The following PTPRR variants were observed in gnomAD, a reference collection of about 807,000 sequenced individuals.
PTPRR encodes the protein receptor-type tyrosine-protein phosphatase R.
Under a neutral mutation model 77.2 loss-of-function variants are expected in PTPRR, and 38 were observed. The observed-to-expected ratio is 0.49, with a 90% CI of 0.38 to 0.65. The LOEUF is 0.65. PTPRR is among the 30% of genes least tolerant of loss of function. The pLI, the probability that PTPRR is intolerant of heterozygous loss-of-function variation, is 0.00. For missense variants in PTPRR, 744 were observed against 799.2 expected (o/e 0.93, Z 0.83); for synonymous variants, 299 against 283.1 (o/e 1.06, Z -0.57).
At chr12:70,770,240 A>G (rs1890938386) in intron 2 of PTPRR, among the ~76,000 whole-genome samples, 1 of 151,068 alleles carries the variant, frequency 6.6e-6, no homozygotes, top group African/African-American at 2.4e-5. Context: ...AAATGGGAGA[A>G]AATTTTCGCA....
chr12:70,832,191 A>G (rs963405480), intron 2 of PTPRR, among the ~76,000 whole-genome samples: 44 of 152,126 alleles, frequency 2.9e-4, no homozygotes, highest in Non-Finnish European at 2.9e-5. Flanking sequence ...GAGCTTTTGC[A>G]TTTCTCTGGG....
intron 10 of PTPRR, chr12:70,672,702 G>T (rs753119848): frequency 8.4e-6 from 13 of 1,545,280 alleles, no homozygotes; most frequent in Non-Finnish European, 1.1e-5. Flanking sequence ...GGATAGCGTG[G>T]GTCTCCCAGT....
At chr12:70,655,679 G>T (rs1185456298) in intron 13 of PTPRR, among the ~76,000 whole-genome samples, 1 of 152,166 alleles carries the variant, frequency 6.6e-6, no homozygotes, top group East Asian at 1.9e-4. Context: ...TACGTAAAAG[G>T]TGCCTAGAGC....
chr12:70,673,031 CAAAA>C (rs1229938892), intron 10 of PTPRR: 3,765 of 452,954 alleles, frequency 8.3e-3, no homozygotes, highest in South Asian at 9.5e-3. Flanking sequence ...CGGGCCAAAG[CAAAA>C]AAAAAAAAAA....
chr12:70,696,136 A>C (rs1307517858), intron 8 of PTPRR, among the ~76,000 whole-genome samples: 2 of 150,864 alleles, frequency 1.3e-5, no homozygotes, highest in African/African-American at 4.9e-5. Context: ...AACTCCAACT[A>C]TATCTGTTTG....
At chr12:70,787,710 G>A (rs1891351767) in intron 2 of PTPRR, among the ~76,000 whole-genome samples, 1 of 152,064 alleles carries the variant, frequency 6.6e-6, no homozygotes, top group South Asian at 2.1e-4. Flanking sequence ...CATCAAATCT[G>A]GCAGCCCTAT....
At chr12:70,690,277 A>G (rs894346839) in intron 8 of PTPRR, among the ~76,000 whole-genome samples, 8 of 152,198 alleles carry the variant, frequency 5.3e-5, no homozygotes, top group Non-Finnish European at 1.0e-4. Flanking sequence ...AATAGTATAT[A>G]TAAGTTTTCT....
chr12:70,916,470 A>G (rs1332541770), intron 1 of PTPRR, among the ~76,000 whole-genome samples: 1 of 152,142 alleles, frequency 6.6e-6, no homozygotes, highest in Non-Finnish European at 1.5e-5. Context: ...ACATCTTAAA[A>G]TCTTAAAATA....
intron 2 of PTPRR, among the ~76,000 whole-genome samples, chr12:70,798,333 T>C (rs1017837833): frequency 6.6e-6 from 1 of 152,232 alleles, no homozygotes; most frequent in Non-Finnish European, 1.5e-5. Context: ...CTTGGGATAC[T>C]ATTATAGCAT....
In PTPRR at chr12:70,800,351, A is replaced by T. The variant is rs540862096; in HGVS notation, c.358-35573T>A. Among the ~76,000 whole-genome samples, 113 of 151,984 alleles carry T rather than the reference A, an allele frequency of 7.4e-4. 1 individual carries two copies. The highest frequency in any genetic ancestry group is 2.7e-3 in the African/African-American group (112 of 41,444). On this transcript the variant is annotated intron_variant, in intron 2 of 13. Transcript: ENST00000283228. The stretch of plus-strand genomic sequence containing the variant: ...CAAAATGCGATATGGTATCAAAGAG[A>T]AACAGGAACCTGCTGACACATTAGG...
At chr12:70,850,840 C>T (rs1161372827) in intron 2 of PTPRR, among the ~76,000 whole-genome samples, 1 of 152,142 alleles carries the variant, frequency 6.6e-6, no homozygotes, top group Non-Finnish European at 1.5e-5. Context: ...AAGATGCTGT[C>T]CCTACATTGC....
chr12:70,726,796 G>T (rs1404479592), intron 6 of PTPRR, among the ~76,000 whole-genome samples: 1 of 152,022 alleles, frequency 6.6e-6, no homozygotes, highest in Non-Finnish European at 1.5e-5. Context: ...TCTGCTAAAA[G>T]GTCTTGAACA....
chr12:70,650,686 T>C (rs1042698832), intron 13 of PTPRR, among the ~76,000 whole-genome samples: 1 of 152,182 alleles, frequency 6.6e-6, no homozygotes, highest in Non-Finnish European at 1.5e-5. Context: ...GCCTGTTGAA[T>C]GGATGAATGT....
chr12:70,920,387 G>T lies in PTPRR; in HGVS notation c.4C>A (p.Arg2=). M[R]RAVCFPALCL... ...AGCGCAGGGAAGCAGACTGCTCTCC[G>T]CATAGTGTTTGCATTGAGAGGTGGA... The change falls in exon 1 of 14, where the codon CGG becomes AGG. Residue 2 remains arginine, a synonymous_variant. Transcript: ENST00000283228. 1 of 1,613,048 alleles carries T rather than the reference G, an allele frequency of 6.2e-7. No individual in the cohort carries two copies. The highest frequency in any genetic ancestry group is 2.2e-5 in the East Asian group (1 of 44,804).
At chr12:70,885,725 G>A (rs905872293) in intron 2 of PTPRR, among the ~76,000 whole-genome samples, 5 of 76,552 alleles carry the variant, frequency 6.5e-5, no homozygotes, top group African/African-American at 5.2e-4. Context: ...TAGTAGAGAT[G>A]GGGTTTCACC....
chr12:70,741,655 G>A (rs1422456200), intron 6 of PTPRR, among the ~76,000 whole-genome samples: 1 of 152,184 alleles, frequency 6.6e-6, no homozygotes, highest in Non-Finnish European at 1.5e-5. Context: ...TCGGGGTGTG[G>A]ATGTCAGATA....
At chr12:70,773,523 C>G (rs1891025465) in intron 2 of PTPRR, among the ~76,000 whole-genome samples, 1 of 152,024 alleles carries the variant, frequency 6.6e-6, no homozygotes, top group Non-Finnish European at 1.5e-5. Context: ...CTGGGAAGGT[C>G]CATTAGAAGC....
At chr12:70,709,690 CCAA>C (rs918682415) in intron 6 of PTPRR, among the ~76,000 whole-genome samples, 9 of 152,058 alleles carry the variant, frequency 5.9e-5, no homozygotes, top group African/African-American at 1.2e-4. Flanking sequence ...TTCTTGTACA[CCAA>C]CAACAGTCAA....
chr12:70,918,947 T>C (rs1287319926), intron 1 of PTPRR, among the ~76,000 whole-genome samples: 1 of 152,240 alleles, frequency 6.6e-6, no homozygotes, highest in African/African-American at 2.4e-5. Context: ...GTCATAGCTA[T>C]TTTCTACTTC....
Sources: allele counts gnomAD v4.1 joint callset (sites outside exome capture counted in the v4.1 genomes callset), GRCh38; gene constraint gnomAD v4.1.1; transcripts MANE v1.5; gene names NCBI Gene and HGNC (gene_info 2026-07-23, HGNC 2026-07-21).